Variants in KIF6 observed in about 807,000 individuals in gnomAD.
KIF6 encodes kinesin-like protein KIF6.
Under a neutral mutation model 112.7 loss-of-function variants are expected in KIF6, and 106 were observed. The ratio of observed to expected loss-of-function variants is 0.94; its 90% CI spans 0.80 to 1.11. The LOEUF is 1.11. Among genes scored for constraint, KIF6 ranks in the 50% least tolerant of loss-of-function variants. The pLI is 0.00. For missense variants in KIF6, 929 were observed against 964.0 expected, an observed-to-expected ratio of 0.96 and a Z score of 0.48; for synonymous variants, 339 against 339.9, an observed-to-expected ratio of 1.00 and a Z score of 0.03.
At chr6:39,686,039 G>T (rs1787845640) in intron 3 of KIF6, among the ~76,000 whole-genome samples, 1 of 152,212 alleles carries the variant, frequency 6.6e-6, no homozygotes, top group East Asian at 1.9e-4. Context: ...ATGAGGGTTG[G>T]ATTTTAAACC....
At chr6:39,351,786 A>T (rs1419491492) in intron 19 of KIF6, among the ~76,000 whole-genome samples, 1 of 152,230 alleles carries the variant, frequency 6.6e-6, no homozygotes, top group Non-Finnish European at 1.5e-5. Context: ...TCTGAGCCTC[A>T]CAGCTGAAAG....
At position 39,433,121 on chromosome 6, in the gene KIF6, C is replaced by A. The variant is rs565274118; in HGVS notation, c.1646-1960G>T. On this transcript the variant is annotated intron_variant, in intron 13 of 22. Transcript: ENST00000287152. ...CTGGGTGGAAAGGACCACTCCAGAGCCCACGGCACTGTGGCGGCAGCCACT... is the reference window on the plus strand; with the variant it reads ...CTGGGTGGAAAGGACCACTCCAGAGACCACGGCACTGTGGCGGCAGCCACT... 2.2e-4 allele frequency among the ~76,000 whole-genome samples: 33 copies of A among 152,352 alleles called. No individual in the cohort carries two copies. In the South Asian group the frequency reaches 6.8e-3, roughly 32 times the overall value.
At chr6:39,365,733 G>C (rs554764449) in intron 16 of KIF6, among the ~76,000 whole-genome samples, 13 of 152,282 alleles carry the variant, frequency 8.5e-5, no homozygotes, top group Admixed American at 4.6e-4. Flanking sequence ...CCCACCCCAA[G>C]GACACCCCCA....
chr6:39,619,811 G>A (rs910118424), intron 5 of KIF6, among the ~76,000 whole-genome samples: 1 of 152,142 alleles, frequency 6.6e-6, no homozygotes, highest in Non-Finnish European at 1.5e-5. Flanking sequence ...ATTTCACTAA[G>A]ATTGAGCATA....
intron 22 of KIF6, 56 bp from the exon 23 acceptor site, chr6:39,336,604 C>T (rs1303428520): frequency 2.5e-6 from 4 of 1,574,836 alleles, no homozygotes; most frequent in Non-Finnish European, 3.5e-6. Context: ...ACTGACTTTT[C>T]CCAGGATTGA....
chr6:39,575,703 G>A (rs534956501), intron 10 of KIF6, among the ~76,000 whole-genome samples: 1 of 152,280 alleles, frequency 6.6e-6, no homozygotes, highest in South Asian at 2.1e-4. Context: ...TAACACTGCA[G>A]AGGAGGAGGG....
intron 13 of KIF6, among the ~76,000 whole-genome samples, chr6:39,476,388 T>G (rs745914431): frequency 7.2e-5 from 11 of 151,980 alleles, no homozygotes; most frequent in Admixed American, 2.0e-4. Flanking sequence ...TCCCACAAAG[T>G]TCATAAAACT....
At chr6:39,365,301 C>A (rs1765474995) in intron 16 of KIF6, among the ~76,000 whole-genome samples, 1 of 152,196 alleles carries the variant, frequency 6.6e-6, no homozygotes, top group South Asian at 2.1e-4. Context: ...CATGCAGATA[C>A]CATCAACATC....
chr6:39,668,106 C>CG (rs1786590201), intron 3 of KIF6, among the ~76,000 whole-genome samples: 1 of 99,254 alleles, frequency 1.0e-5, no homozygotes, highest in Non-Finnish European at 2.8e-5. Flanking sequence ...AGGCTCTCAC[C>CG]AAAAGCAGAT....
intron 15 of KIF6, among the ~76,000 whole-genome samples, chr6:39,407,664 C>T (rs890063332): frequency 5.9e-5 from 9 of 152,144 alleles, no homozygotes; most frequent in African/African-American, 1.4e-4. Flanking sequence ...TACCTCATTA[C>T]GAAACATATA....
At chr6:39,525,230 G>A (rs1039724948) in intron 13 of KIF6, among the ~76,000 whole-genome samples, 2 of 152,040 alleles carry the variant, frequency 1.3e-5, no homozygotes, top group Non-Finnish European at 2.9e-5. Flanking sequence ...TGCAACCTCT[G>A]CCTCCAGGGC....
chr6:39,458,141 A>C (rs972822851), intron 13 of KIF6, among the ~76,000 whole-genome samples: 1 of 149,830 alleles, frequency 6.7e-6, no homozygotes, highest in Non-Finnish European at 1.5e-5. Flanking sequence ...TGGCAAACCG[A>C]ATCCAGCAGC....
At chr6:39,577,342 T>C (rs1781027864) in intron 10 of KIF6, among the ~76,000 whole-genome samples, 1 of 152,270 alleles carries the variant, frequency 6.6e-6, no homozygotes, top group Admixed American at 6.5e-5. Flanking sequence ...AATTATAGTA[T>C]ATCTTTAGAA....
chr6:39,400,260 T>C (rs1768590169), intron 15 of KIF6, among the ~76,000 whole-genome samples: 1 of 152,132 alleles, frequency 6.6e-6, no homozygotes, highest in Admixed American at 6.5e-5. Flanking sequence ...GGGTGGCTTA[T>C]AAAGGCGAGC....
intron 13 of KIF6, among the ~76,000 whole-genome samples, chr6:39,528,892 C>T (rs1212604827): frequency 6.6e-6 from 1 of 152,026 alleles, no homozygotes; most frequent in African/African-American, 2.4e-5. Flanking sequence ...TCATATGGAA[C>T]CACAAAAACC....
chr6:39,682,954 G>C (rs1175563538), intron 3 of KIF6, among the ~76,000 whole-genome samples: 1 of 152,214 alleles, frequency 6.6e-6, no homozygotes, highest in Non-Finnish European at 1.5e-5. Context: ...AGATCTAAGC[G>C]ATAAGGAGGA....
At chr6:39,544,319 G>A (rs567762930) in intron 12 of KIF6, among the ~76,000 whole-genome samples, 5 of 152,284 alleles carry the variant, frequency 3.3e-5, no homozygotes, top group Non-Finnish European at 7.3e-5. Flanking sequence ...AAACTAAAAT[G>A]TTCCCTGCAA....
Position 39,412,858 on chromosome 6 carries a change from G to T in KIF6, c.1810+7090C>A, listed in dbSNP as rs1887713. 6.8e-3 allele frequency among the ~76,000 whole-genome samples: 1,039 copies of T among 151,980 alleles called. 10 individuals carry two copies. The highest frequency in any genetic ancestry group is 0.024 in the African/African-American group (986 of 41,372). On this transcript the variant is annotated intron_variant, in intron 15 of 22. Transcript: ENST00000287152. Reference sequence around the variant, plus strand: ...AGCGTGGCTGGGTGCTGTCTCTTAGGGGGGGCTTATCGTGCTGCTGTCCCC... The same window carrying T: ...AGCGTGGCTGGGTGCTGTCTCTTAGTGGGGGCTTATCGTGCTGCTGTCCCC...
At chr6:39,626,984 C>A (rs556351927) in intron 5 of KIF6, among the ~76,000 whole-genome samples, 2 of 152,120 alleles carry the variant, frequency 1.3e-5, no homozygotes, top group Non-Finnish European at 2.9e-5. Context: ...CAGTCCTACA[C>A]ACTACTAACT....
Sources: gnomAD v4.1 joint callset for allele counts (sites outside exome capture counted in the v4.1 genomes callset) on GRCh38, gnomAD v4.1.1 for gene constraint, MANE v1.5 for transcripts, NCBI Gene and HGNC (gene_info 2026-07-23, HGNC 2026-07-21) for gene names.